NFAM1: variants seen among roughly 807,000 people sequenced by gnomAD.
NFAM1 encodes the protein NFAT activation molecule 1.
A neutral mutation model predicts 29.0 loss-of-function variants in NFAM1; 17 were observed. The observed-to-expected ratio is 0.59, with a 90% CI of 0.40 to 0.88. The LOEUF is 0.88. Ranked by LOEUF, NFAM1 falls within the 40% of genes least tolerant of loss-of-function variation. NFAM1 has a pLI of 0.00. For synonymous variants in NFAM1, 175 were observed against 147.2 expected, an observed-to-expected ratio of 1.19 and a Z score of -1.36; for missense variants, 324 against 344.6, an observed-to-expected ratio of 0.94 and a Z score of 0.47.
chr22:42,431,318 T>A (rs1930789192), intron 1 of NFAM1, among the ~76,000 whole-genome samples: 1 of 152,000 alleles, frequency 6.6e-6, no homozygotes, highest in Non-Finnish European at 1.5e-5. Flanking sequence ...TAATTTGTGG[T>A]CATGAGAGGG....
At position 42,402,827 on chromosome 22, in the gene NFAM1, CCTT is replaced by C. The variant is rs1247696728; in HGVS notation, c.565-4874_565-4872del. ...TCAGACCCACACCGGTCCCTCTGTG[CCTT>C]CTTTTTTTTTTTTTTTTTTTTTTGA... On this transcript the variant is annotated intron_variant, in intron 3 of 5. Transcript: ENST00000329021. 1.5e-4 allele frequency among the ~76,000 whole-genome samples: 20 copies of C among 136,550 alleles called. No individual in the cohort carries two copies. In the South Asian group the frequency reaches 1.6e-3, roughly 11 times the overall value. The allele number at this position is 136,550 out of a possible 152,430, so 89.6% of individuals were successfully genotyped here. A position where few individuals can be genotyped will look rare whatever the true frequency, so the allele number is the denominator to read the frequency against.
chr22:42,399,990 G>A (rs1357817671), intron 3 of NFAM1, among the ~76,000 whole-genome samples: 1 of 152,272 alleles, frequency 6.6e-6, no homozygotes, highest in Admixed American at 6.5e-5. Flanking sequence ...TCTCTCACGC[G>A]CCCTCCACAA....
intron 4 of NFAM1, among the ~76,000 whole-genome samples, chr22:42,390,173 C>T (rs533923451): frequency 6.6e-6 from 1 of 152,066 alleles, no homozygotes; most frequent in Admixed American, 6.6e-5. Flanking sequence ...GTTCTGAGTA[C>T]TGCTGCTGAA....
intron 1 of NFAM1, among the ~76,000 whole-genome samples, chr22:42,427,395 C>T (rs995039270): frequency 6.6e-6 from 1 of 152,202 alleles, no homozygotes; most frequent in African/African-American, 2.4e-5. Flanking sequence ...TCTCCTCCCC[C>T]AGGCGCCCCT....
chr22:42,406,783 C>T (rs921321646), intron 3 of NFAM1, among the ~76,000 whole-genome samples: 9 of 151,324 alleles, frequency 5.9e-5, no homozygotes, highest in Non-Finnish European at 1.2e-4. Context: ...TTTCTTTTTC[C>T]TTTTTTTTTG....
At position 42,387,056 on chromosome 22, in the gene NFAM1, T is replaced by G; in HGVS notation, c.686A>C (p.Glu229Ala). ...VYTALQRRET[E>A]VYACIENEDG... ...CTCATTCTCGATGCAGGCATAGACC[T>G]CGGTCTCGCGGCGCTGCAGAGCCTA... Residue 229 changes from glutamate to alanine, a missense_variant, in exon 5 of 6, where the codon GAG becomes GCG. Glu to Ala is a moderately radical substitution (Grantham distance 107). Coordinates refer to ENST00000329021, the MANE Select transcript of NFAM1 (RefSeq NM_145912.8). 1.9e-6 allele frequency: 3 copies of G among 1,586,460 alleles called. No homozygotes were observed. The highest frequency in any genetic ancestry group is 2.6e-6 in the Non-Finnish European group (3 of 1,166,790).
chr22:42,411,742 G>T lies in NFAM1; in HGVS notation c.122-6C>A. 6.2e-7 allele frequency: 1 copy of T among 1,608,638 alleles called. No individual in the cohort carries two copies. The highest frequency in any genetic ancestry group is 1.1e-5 in the South Asian group (1 of 90,864). ...GTGGGTCACTGACTGTCCTCCTGGA[G>T]GGGAAGCAAAGGGAGAGAGCAACAG... On this transcript the variant is annotated splice_region_variant and splice_polypyrimidine_tract_variant and intron_variant, in intron 1 of 5. Coordinates refer to ENST00000329021, the MANE Select transcript of NFAM1 (RefSeq NM_145912.8).
At chr22:42,426,741 G>A (rs1009989741) in intron 1 of NFAM1, among the ~76,000 whole-genome samples, 19 of 152,144 alleles carry the variant, frequency 1.2e-4, no homozygotes, top group African/African-American at 4.3e-4. Flanking sequence ...AGAGGAATAG[G>A]TGGGGCCAGT....
intron 3 of NFAM1, among the ~76,000 whole-genome samples, chr22:42,406,949 G>T (rs1601747620): frequency 6.6e-6 from 1 of 151,976 alleles, no homozygotes; most frequent in African/African-American, 2.4e-5. Flanking sequence ...CTAATTTTTT[G>T]TATCTTTAGT....
chr22:42,422,332 G>A (rs908223703), intron 1 of NFAM1, among the ~76,000 whole-genome samples: 34 of 152,304 alleles, frequency 2.2e-4, no homozygotes, highest in African/African-American at 7.7e-4. Flanking sequence ...AAGGCCGGGC[G>A]CAGGTGCTCA....
At chr22:42,420,767 CACAA>C (rs891338644) in intron 1 of NFAM1, among the ~76,000 whole-genome samples, 18 of 152,098 alleles carry the variant, frequency 1.2e-4, no homozygotes, top group African/African-American at 3.4e-4. Flanking sequence ...GAGACTCTGT[CACAA>C]ACAAACAAAC....
chr22:42,412,403 TGAA>T (rs890583350), intron 1 of NFAM1, among the ~76,000 whole-genome samples: 5 of 152,188 alleles, frequency 3.3e-5, no homozygotes, highest in African/African-American at 7.2e-5. Flanking sequence ...CCCTGTTTTA[TGAA>T]GAAGAAGAGT....
chr22:42,394,609 T>G (rs1424743151), intron 4 of NFAM1, among the ~76,000 whole-genome samples: 3 of 152,128 alleles, frequency 2.0e-5, no homozygotes, highest in Non-Finnish European at 4.4e-5. Flanking sequence ...GCTAAAGCCA[T>G]ATCAAAGGGA....
intron 4 of NFAM1, among the ~76,000 whole-genome samples, chr22:42,394,880 G>C (rs1432131200): frequency 6.6e-6 from 1 of 152,126 alleles, no homozygotes; most frequent in Non-Finnish European, 1.5e-5. Context: ...CACTTTGAGA[G>C]GCCAAGGTGG....
At chr22:42,424,648 GTT>G (rs1930564905) in intron 1 of NFAM1, among the ~76,000 whole-genome samples, 1 of 152,072 alleles carries the variant, frequency 6.6e-6, no homozygotes, top group African/African-American at 2.4e-5. Context: ...GTGGAGAGAG[GTT>G]TCAAACGCAA....
intron 1 of NFAM1, among the ~76,000 whole-genome samples, chr22:42,424,892 C>A (rs1930572547): frequency 6.9e-6 from 1 of 145,730 alleles, no homozygotes; most frequent in Admixed American, 6.8e-5. Context: ...CTCTTTCTTT[C>A]CTTTCTTTCT....
chr22:42,424,097 G>T (rs1389709139), intron 1 of NFAM1, among the ~76,000 whole-genome samples: 1 of 151,824 alleles, frequency 6.6e-6, no homozygotes, highest in East Asian at 1.9e-4. Context: ...CATCACACTG[G>T]CTGAGACCCC....
chr22:42,401,863 C>T (rs1929736505), intron 3 of NFAM1, among the ~76,000 whole-genome samples: 1 of 152,220 alleles, frequency 6.6e-6, no homozygotes, highest in Admixed American at 6.5e-5. Flanking sequence ...GCTTCCTGCT[C>T]TGTAAAATGG....
chr22:42,413,776 A>G (rs2147110605), intron 1 of NFAM1, among the ~76,000 whole-genome samples: 1 of 151,942 alleles, frequency 6.6e-6, no homozygotes, highest in South Asian at 2.1e-4. Flanking sequence ...AAATTTGGCC[A>G]GGGCTGTTGG....
Sources: allele counts gnomAD v4.1 joint callset (sites outside exome capture counted in the v4.1 genomes callset), GRCh38; gene constraint gnomAD v4.1.1; transcripts MANE v1.5; gene names NCBI Gene and HGNC (gene_info 2026-07-23, HGNC 2026-07-21).